Variants in RANBP3L observed in about 807,000 individuals in gnomAD.
The protein encoded by RANBP3L is RAN binding protein 3 like.
Under a neutral mutation model 67.2 loss-of-function variants are expected in RANBP3L, and 56 were observed. The ratio of observed to expected loss-of-function variants is 0.83; its 90% confidence interval spans 0.67 to 1.04. RANBP3L has a LOEUF of 1.04. Ranked by LOEUF, RANBP3L falls within the 50% of genes least tolerant of loss-of-function variation. RANBP3L has a pLI of 0.00. For synonymous variants in RANBP3L, 164 were observed against 181.4 expected (o/e 0.90, Z 0.77); for missense variants, 496 against 535.5 (o/e 0.93, Z 0.73).
At position 36,248,603 on chromosome 5, in the gene RANBP3L, A is replaced by G. The variant is rs973870892; in HGVS notation, c.*1051T>C. ...CAAATATGTTGTCATTGTTCAGAAC[A>G]TTTTCAGAAACATCTTGGAATTATG... On this transcript the variant is annotated 3_prime_UTR_variant, in exon 14 of 14. Transcript: ENST00000296604. 6.6e-6 allele frequency: 1 copy of G among 152,192 alleles called. No individual in the cohort carries two copies. Among genetic ancestry groups the G allele is most frequent in the Non-Finnish European group, 1.5e-5 (1 of 68,012 alleles). 9.4% of individuals were successfully genotyped at this position (152,192 alleles called of 1,614,324 possible). A position where few individuals can be genotyped will look rare whatever the true frequency, so the allele number is the denominator to read the frequency against.
At chr5:36,266,340 T>A (rs1007702922) in intron 4 of RANBP3L, among the ~76,000 whole-genome samples, 1 of 152,194 alleles carries the variant, frequency 6.6e-6, no homozygotes, top group African/African-American at 2.4e-5. Context: ...GAGTATAGAA[T>A]TTCTATACAT....
intron 1 of RANBP3L, among the ~76,000 whole-genome samples, chr5:36,283,009 A>C (rs1751075849): frequency 6.6e-6 from 1 of 152,168 alleles, no homozygotes; most frequent in South Asian, 2.1e-4. Context: ...CAAGCTAATA[A>C]AAATTAGCAG....
intron 1 of RANBP3L, among the ~76,000 whole-genome samples, chr5:36,299,335 ATGTGTG>A (rs368964724): frequency 6.9e-5 from 10 of 145,262 alleles, no homozygotes; most frequent in African/African-American, 1.8e-4. Context: ...ACATACATAT[ATGTGTG>A]TGTGTGTGTG....
chr5:36,250,264 T>C (rs1027750189), intron 13 of RANBP3L, among the ~76,000 whole-genome samples: 1 of 151,972 alleles, frequency 6.6e-6, no homozygotes, highest in African/African-American at 2.4e-5. Context: ...AAGATTTTTT[T>C]ATTTTATATG....
intron 1 of RANBP3L, among the ~76,000 whole-genome samples, chr5:36,298,021 G>A (rs1436330729): frequency 6.6e-6 from 1 of 151,912 alleles, no homozygotes; most frequent in Non-Finnish European, 1.5e-5. Flanking sequence ...ATGTGTTGAG[G>A]TCAGTGCGGT....
chr5:36,295,474 C>T (rs1752138154), intron 1 of RANBP3L, among the ~76,000 whole-genome samples: 1 of 152,084 alleles, frequency 6.6e-6, no homozygotes, highest in African/African-American at 2.4e-5. Flanking sequence ...CTAAGGCCTC[C>T]CCAGCCCTGT....
At chr5:36,286,192 C>G (rs1256146151) in intron 1 of RANBP3L, among the ~76,000 whole-genome samples, 2 of 152,180 alleles carry the variant, frequency 1.3e-5, no homozygotes, top group African/African-American at 4.8e-5. Flanking sequence ...TTTATTTTAA[C>G]ATGGTATTGA....
At chr5:36,278,889 A>AT (rs2111988222) in intron 1 of RANBP3L, among the ~76,000 whole-genome samples, 1 of 152,258 alleles carries the variant, frequency 6.6e-6, no homozygotes, top group African/African-American at 2.4e-5. Context: ...ACATGAACAA[A>AT]TTTTTTTGGA....
chr5:36,277,398 ATCTCTCTC>A (rs746299512), intron 1 of RANBP3L, among the ~76,000 whole-genome samples: 24 of 100,482 alleles, frequency 2.4e-4, no homozygotes, highest in Middle Eastern at 0.01. Flanking sequence ...CAGCTTTTTC[ATCTCTCTC>A]TCTCTCTCTC....
At position 36,248,480 on chromosome 5, in the gene RANBP3L, A is replaced by G. The variant is rs1748402560; in HGVS notation, c.*1174T>C. 1 of 152,180 alleles carries G rather than the reference A, an allele frequency of 6.6e-6. No homozygotes were observed. The highest frequency in any genetic ancestry group is 1.5e-5 in the Non-Finnish European group (1 of 68,004). The allele number at this position is 152,180 out of a possible 1,614,324, so 9.4% of individuals were successfully genotyped here. A position where few individuals can be genotyped will look rare whatever the true frequency, so the allele number is the denominator to read the frequency against. ...ATATTTTTATTATTTTATAACAGGT[A>G]TGGTAACACAGTAATATAACTTTTG... On this transcript the variant is annotated 3_prime_UTR_variant, in exon 14 of 14. Transcript: ENST00000296604.
intron 4 of RANBP3L, among the ~76,000 whole-genome samples, chr5:36,265,837 C>G (rs6898215): frequency 0.86 from 130,744 of 151,950 alleles, 57,823 homozygotes; most frequent in Non-Finnish European, 0.97. Context: ...ATGAGCCGGG[C>G]GTGGTGGCAG....
chr5:36,279,873 GA>G (rs574518436), intron 1 of RANBP3L, among the ~76,000 whole-genome samples: 69 of 152,092 alleles, frequency 4.5e-4, no homozygotes, highest in African/African-American at 1.7e-3. Context: ...ATCAACATGT[GA>G]AAAAAATAAG....
chr5:36,297,018 TTCTC>T (rs1752264385), intron 1 of RANBP3L, among the ~76,000 whole-genome samples: 1 of 152,138 alleles, frequency 6.6e-6, no homozygotes, highest in African/African-American at 2.4e-5. Flanking sequence ...ACCCTCTCTC[TTCTC>T]TCTCTCTATT....
chr5:36,260,830 T>C lies in RANBP3L; in HGVS notation c.619A>G (p.Ser207Gly), dbSNP rs143608109. 158 of 1,554,956 alleles carry C rather than the reference T, an allele frequency of 1.0e-4. No homozygotes were observed. Among genetic ancestry groups the C allele is most frequent in the Non-Finnish European group, 1.3e-4 (147 of 1,132,438 alleles). Residue 207 changes from serine (S) to glycine (G), a missense_variant, in exon 8 of 14, where the codon AGC becomes GGC. Transcript: ENST00000296604. The stretch of plus-strand genomic sequence containing the variant: ...CCAAAAACAAAATTGGAACTGCAGC[T>C]TTTAAAAGAACATTTATCTTCATTT... Reference protein sequence around the residue: ...QPNEDKCSFKSCSSNFVFGEN... With the variant: ...QPNEDKCSFKGCSSNFVFGEN...
In RANBP3L at chr5:36,301,758, AT is replaced by A. The variant is rs1406105444; in HGVS notation, c.-343del. On this transcript the variant is annotated 5_prime_UTR_variant, in exon 1 of 14. The change creates a new upstream start codon in the 5' untranslated region. Transcript: ENST00000296604. ...ATTTCTAACAGATTACACTTTTGTC[AT>A]TTTTAAATTCCTTTTGGCGACATGA... 5.4e-6 allele frequency: 1 copy of A among 184,534 alleles called. No homozygotes were observed. The highest frequency in any genetic ancestry group is 2.3e-5 in the African/African-American group (1 of 42,794). 11.4% of individuals were successfully genotyped at this position (184,534 alleles called of 1,614,324 possible). A position where few individuals can be genotyped will look rare whatever the true frequency, so the allele number is the denominator to read the frequency against.
chr5:36,301,534 T>C lies in RANBP3L; in HGVS notation c.-118A>G. The C allele has an allele frequency of 1.4e-6, 1 of 699,154 alleles. No homozygotes were observed. The highest frequency in any genetic ancestry group is 2.5e-6 in the Non-Finnish European group (1 of 393,476). The allele number at this position is 699,154 out of a possible 1,614,324, so 43.3% of individuals were successfully genotyped here. A position where few individuals can be genotyped will look rare whatever the true frequency, so the allele number is the denominator to read the frequency against. On this transcript the variant is annotated 5_prime_UTR_variant, in exon 1 of 14. Transcript: ENST00000296604. ...TACATAGATTCATGCAGATCTTGTC[T>C]TTGCATGTACAACATATACTCCTCT...
chr5:36,255,591 C>G lies in RANBP3L; in HGVS notation c.904-1G>C, dbSNP rs767970068. 6.3e-6 allele frequency: 10 copies of G among 1,597,784 alleles called. No homozygotes were observed. In the Admixed American group the frequency reaches 1.4e-4, roughly 22 times the overall value. On this transcript the variant is annotated splice_acceptor_variant, in intron 10 of 13. Coordinates refer to ENST00000296604, the MANE Select transcript of RANBP3L (RefSeq NM_145000.5). LOFTEE classifies it high-confidence loss of function. ...TGAATATGAAAAGCTTGCAGTTTAT[C>G]TAAATGACAATTTTTTAAAATGTCA...
chr5:36,286,734 G>A (rs924636787), intron 1 of RANBP3L, among the ~76,000 whole-genome samples: 12 of 152,244 alleles, frequency 7.9e-5, no homozygotes, highest in South Asian at 4.1e-4. Context: ...CAATAACCAC[G>A]TCAGAACAAA....
At chr5:36,280,654 T>C (rs1750906883) in intron 1 of RANBP3L, among the ~76,000 whole-genome samples, 2 of 152,204 alleles carry the variant, frequency 1.3e-5, no homozygotes, top group East Asian at 1.9e-4. Flanking sequence ...CCCAAAGATA[T>C]GATCATCACG....
Sources: allele counts gnomAD v4.1 joint callset (sites outside exome capture counted in the v4.1 genomes callset), GRCh38; gene constraint gnomAD v4.1.1; transcripts MANE v1.5; gene names NCBI Gene and HGNC (gene_info 2026-07-23, HGNC 2026-07-21).